The following ZFPM2 variants were observed in gnomAD, a reference collection of about 807,000 sequenced individuals.
The protein encoded by ZFPM2 is zinc finger protein ZFPM2.
In ZFPM2, 20 loss-of-function variants were observed where a neutral mutation model predicts 98.6. That is an observed-to-expected ratio of 0.20 (90% CI 0.14 to 0.29). The LOEUF (loss-of-function observed/expected upper bound fraction) is 0.29, where lower values mean the gene tolerates loss of function less well. ZFPM2 is among the 10% of genes least tolerant of loss of function. ZFPM2 has a pLI of 1.00. For missense variants in ZFPM2, 1,310 were observed against 1,388.6 expected, an observed-to-expected ratio of 0.94 and a Z score of 0.90; for synonymous variants, 518 against 502.7, an observed-to-expected ratio of 1.03 and a Z score of -0.41.
chr8:105,589,329 T>C (rs1586482981), intron 4 of ZFPM2, among the ~76,000 whole-genome samples: 1 of 152,218 alleles, frequency 6.6e-6, no homozygotes, highest in South Asian at 2.1e-4. Flanking sequence ...CACATAACAA[T>C]ACATTTCTCA....
intron 1 of ZFPM2, among the ~76,000 whole-genome samples, chr8:105,414,538 T>G (rs1301474086): frequency 6.6e-6 from 1 of 152,022 alleles, no homozygotes; most frequent in Non-Finnish European, 1.5e-5. Flanking sequence ...ATTTTCTCAT[T>G]GTTTTGCTTA....
chr8:105,441,482 G>GAAAGAAATAAAA (rs1554604997), intron 2 of ZFPM2, among the ~76,000 whole-genome samples: 1 of 85,404 alleles, frequency 1.2e-5, no homozygotes, highest in Non-Finnish European at 2.0e-5. Flanking sequence ...AAGAAAGAAA[G>GAAAGAAATAAAA]AAAGAAAGAA....
chr8:105,680,454 T>A (rs969092357), intron 5 of ZFPM2, among the ~76,000 whole-genome samples: 1 of 152,188 alleles, frequency 6.6e-6, no homozygotes, highest in Non-Finnish European at 1.5e-5. Context: ...TAATGATGCC[T>A]TGGAATTGAT....
intron 5 of ZFPM2, among the ~76,000 whole-genome samples, chr8:105,747,096 A>T (rs1244616829): frequency 6.6e-6 from 1 of 152,074 alleles, no homozygotes; most frequent in Non-Finnish European, 1.5e-5. Context: ...ATAATTAAGG[A>T]TGCAGACTAA....
At chr8:105,321,495 A>T (rs767560276) in intron 1 of ZFPM2, among the ~76,000 whole-genome samples, 11 of 152,216 alleles carry the variant, frequency 7.2e-5, no homozygotes, top group Non-Finnish European at 1.5e-5. Context: ...GGCACTGCTG[A>T]TAAAACATAC....
At position 105,393,337 on chromosome 8, in the gene ZFPM2, C is replaced by CTTTCTTTCTTTCTTTCTTT. The variant is rs1554600680; in HGVS notation, c.41-25807_41-25806insTTTCTTTCTTTCTTTCTTT. On this transcript the variant is annotated intron_variant, in intron 1 of 7. Transcript: ENST00000407775. The stretch of plus-strand genomic sequence containing the variant: ...TCTTCCTTCCCTCTCTCTCTCTTTG[C>CTTTCTTTCTTTCTTTCTTT]CTTTCTTTCTTTCTTTCTTTCTTTC... Among the ~76,000 whole-genome samples, 216 of 114,834 alleles carry CTTTCTTTCTTTCTTTCTTT rather than the reference C, an allele frequency of 1.9e-3. 2 individuals are homozygous for CTTTCTTTCTTTCTTTCTTT. Among genetic ancestry groups the CTTTCTTTCTTTCTTTCTTT allele is most frequent in the East Asian group, 4.1e-3 (15 of 3,686 alleles). 75.3% of individuals were successfully genotyped at this position (114,834 alleles called of 152,430 possible).
At chr8:105,331,785 T>C (rs530397802) in intron 1 of ZFPM2, among the ~76,000 whole-genome samples, 1 of 151,824 alleles carries the variant, frequency 6.6e-6, no homozygotes, top group South Asian at 2.1e-4. Context: ...AATTGCTATA[T>C]AGACATCTAT....
At position 105,537,972 on chromosome 8, in the gene ZFPM2, C is replaced by T. The variant is rs1232267656; in HGVS notation, c.302-23391C>T. Reference sequence around the variant, plus strand: ...GTCTCGATCTCCTGACCTCATGATCCGCCTACCTCAGCCTCCCAAAGTGTA... The same window carrying T: ...GTCTCGATCTCCTGACCTCATGATCTGCCTACCTCAGCCTCCCAAAGTGTA... On this transcript the variant is annotated intron_variant, in intron 3 of 7. Coordinates refer to ENST00000407775, the MANE Select transcript of ZFPM2 (RefSeq NM_012082.4). Among the ~76,000 whole-genome samples the T allele has an allele frequency of 5.3e-5, 8 of 152,092 alleles. No homozygotes were observed. In the East Asian group the frequency reaches 7.8e-4, roughly 15 times the overall value.
At chr8:105,720,996 C>T (rs573577514) in intron 5 of ZFPM2, among the ~76,000 whole-genome samples, 9 of 151,950 alleles carry the variant, frequency 5.9e-5, no homozygotes, top group East Asian at 2.0e-4. Context: ...CTAGTAAGAA[C>T]GACTGCATTG....
intron 3 of ZFPM2, among the ~76,000 whole-genome samples, chr8:105,511,800 C>A (rs1813823409): frequency 2.0e-5 from 3 of 152,160 alleles, no homozygotes; most frequent in Admixed American, 2.0e-4. Flanking sequence ...AACCAGTAAT[C>A]CGAAACCAGC....
At chr8:105,494,941 G>A (rs1424019563) in intron 3 of ZFPM2, among the ~76,000 whole-genome samples, 1 of 152,184 alleles carries the variant, frequency 6.6e-6, no homozygotes, top group Non-Finnish European at 1.5e-5. Flanking sequence ...AACTTTATTT[G>A]TGGACATAGA....
chr8:105,671,206 T>C (rs1273016928), intron 5 of ZFPM2, among the ~76,000 whole-genome samples: 1 of 152,062 alleles, frequency 6.6e-6, no homozygotes, highest in Non-Finnish European at 1.5e-5. Context: ...AATTTATTCA[T>C]AGGAACCATG....
At chr8:105,392,515 C>G (rs534124737) in intron 1 of ZFPM2, among the ~76,000 whole-genome samples, 7 of 152,154 alleles carry the variant, frequency 4.6e-5, no homozygotes, top group Non-Finnish European at 8.8e-5. Context: ...TAGTCTCCAA[C>G]TACAATATGA....
At chr8:105,558,442 C>T (rs1217542082) in intron 3 of ZFPM2, among the ~76,000 whole-genome samples, 3 of 152,148 alleles carry the variant, frequency 2.0e-5, no homozygotes, top group Admixed American at 2.0e-4. Flanking sequence ...TGAACAGTTA[C>T]TGGACTTTCT....
intron 2 of ZFPM2, among the ~76,000 whole-genome samples, chr8:105,441,618 G>C (rs561359687): frequency 6.6e-6 from 1 of 152,084 alleles, no homozygotes; most frequent in South Asian, 2.1e-4. Context: ...GACAAGCAGA[G>C]AATGTCCAGG....
chr8:105,711,769 G>C (rs918123999), intron 5 of ZFPM2, among the ~76,000 whole-genome samples: 2 of 151,936 alleles, frequency 1.3e-5, no homozygotes, highest in African/African-American at 4.8e-5. Flanking sequence ...AGACCAGATG[G>C]AGTTTTAGGT....
chr8:105,371,281 G>T (rs1810617496), intron 1 of ZFPM2, among the ~76,000 whole-genome samples: 1 of 152,070 alleles, frequency 6.6e-6, no homozygotes, highest in Non-Finnish European at 1.5e-5. Context: ...ACTCTCTTTT[G>T]TCATGTTAGT....
chr8:105,596,225 TAA>T (rs1378315084), intron 4 of ZFPM2, among the ~76,000 whole-genome samples: 1 of 151,948 alleles, frequency 6.6e-6, no homozygotes, highest in Non-Finnish European at 1.5e-5. Flanking sequence ...CCAGTCAGGT[TAA>T]AAGGAATAAA....
intron 1 of ZFPM2, among the ~76,000 whole-genome samples, chr8:105,390,372 A>G (rs758965271): frequency 3.9e-5 from 6 of 152,190 alleles, no homozygotes; most frequent in Non-Finnish European, 8.8e-5. Flanking sequence ...AATGAGACAT[A>G]CCTCCTAAAT....
Sources: allele counts gnomAD v4.1 joint callset (sites outside exome capture counted in the v4.1 genomes callset), GRCh38; gene constraint gnomAD v4.1.1; transcripts MANE v1.5; gene names NCBI Gene and HGNC (gene_info 2026-07-23, HGNC 2026-07-21).